TMPRSS15: variants seen among roughly 807,000 people sequenced by gnomAD.
The protein encoded by TMPRSS15 is transmembrane serine protease 15.
A neutral mutation model predicts 125.3 loss-of-function variants in TMPRSS15; 128 were observed. That is an observed-to-expected ratio of 1.02 (90% CI 0.89 to 1.18). TMPRSS15 has a LOEUF of 1.18. Ranked by LOEUF, TMPRSS15 falls within the 50% of genes most tolerant of loss-of-function variation. TMPRSS15 has a pLI of 0.00. For missense variants in TMPRSS15, 1,283 were observed against 1,212.7 expected (o/e 1.06, Z -0.86); for synonymous variants, 446 against 423.2 (o/e 1.05, Z -0.66).
At chr21:18,278,354 C>T (rs1027256181) in intron 23 of TMPRSS15, among the ~76,000 whole-genome samples, 3 of 151,542 alleles carry the variant, frequency 2.0e-5, no homozygotes, top group Non-Finnish European at 2.9e-5. Context: ...GTTGGGGACA[C>T]TTGAATTCCC....
At chr21:18,485,467 A>C (rs895672995) in intron 1 of TMPRSS15, among the ~76,000 whole-genome samples, 1 of 152,002 alleles carries the variant, frequency 6.6e-6, no homozygotes, top group African/African-American at 2.4e-5. Context: ...ATAGCTTTTT[A>C]TCAGGTTAGA....
chr21:18,386,323 T>TATA (rs1461071857), intron 3 of TMPRSS15, among the ~76,000 whole-genome samples: 1 of 152,154 alleles, frequency 6.6e-6, no homozygotes, highest in Non-Finnish European at 1.5e-5. Context: ...TGTGTTTTTA[T>TATA]ATAATTCCCA....
intron 18 of TMPRSS15, among the ~76,000 whole-genome samples, chr21:18,298,310 C>G (rs1431853216): frequency 6.6e-6 from 1 of 152,138 alleles, no homozygotes. Flanking sequence ...TAGACAGAGA[C>G]TATCTTCAGT....
intron 1 of TMPRSS15, among the ~76,000 whole-genome samples, chr21:18,421,547 G>A (rs1436368132): frequency 6.6e-6 from 1 of 152,142 alleles, no homozygotes; most frequent in Non-Finnish European, 1.5e-5. Context: ...GTTCATTAAT[G>A]AAGTTGTAAC....
chr21:18,366,999 T>A (rs957924172), intron 6 of TMPRSS15, among the ~76,000 whole-genome samples: 1 of 152,040 alleles, frequency 6.6e-6, no homozygotes, highest in Non-Finnish European at 1.5e-5. Context: ...TAAAATATCA[T>A]GTGTTTATTG....
At position 18,343,651 on chromosome 21, in the gene TMPRSS15, T is replaced by A. The variant is rs754087760; in HGVS notation, c.1283A>T (p.His428Leu). The A allele has an allele frequency of 1.2e-6, 2 of 1,613,482 alleles. No individual in the cohort carries two copies. The highest frequency in any genetic ancestry group is 4.5e-5 in the East Asian group (2 of 44,824). The change falls in exon 12 of 25, where the codon CAT becomes CTT. Residue 428 changes from histidine to leucine, a missense_variant. Transcript: ENST00000284885. The part of the protein sequence containing the change: ...LEPACLSFWY[H>L]MYGENVHKLS... ...TTTATGGACATTTTCACCATACATA[T>A]GATACCTAGTTTGGAAAGAAGCAAA... is the stretch of plus-strand genomic sequence containing the variant.
chr21:18,275,438 T>TATC, intron 23 of TMPRSS15, 102 bp from the exon 24 acceptor site: 2 of 1,354,914 alleles, frequency 1.5e-6, no homozygotes, highest in Admixed American at 1.7e-5. Flanking sequence ...TCACTCTCAT[T>TATC]ATCAAGTACT....
chr21:18,397,614 T>C (rs1009652874), intron 3 of TMPRSS15, among the ~76,000 whole-genome samples: 2 of 152,156 alleles, frequency 1.3e-5, no homozygotes, highest in African/African-American at 4.8e-5. Context: ...TCAAATACTA[T>C]ATCTGCATCT....
At chr21:18,281,555 C>CTAATG (rs1247114652) in intron 21 of TMPRSS15, among the ~76,000 whole-genome samples, 2 of 152,068 alleles carry the variant, frequency 1.3e-5, no homozygotes, top group African/African-American at 2.4e-5. Flanking sequence ...TCCCCCGATT[C>CTAATG]TAATGTACTG....
At position 18,331,058 on chromosome 21, in the gene TMPRSS15, G is replaced by A. The variant is rs62213459; in HGVS notation, c.1654+1026C>T. Among the ~76,000 whole-genome samples, 545 of 139,030 alleles carry A rather than the reference G, an allele frequency of 3.9e-3. 3 individuals carry two copies. The highest frequency in any genetic ancestry group is 5.5e-3 in the Non-Finnish European group (363 of 65,542). 91.2% of individuals were successfully genotyped at this position (139,030 alleles called of 152,430 possible). ...ACTGCACTCCAGCCTGGGCGACAGAGCGAGACTCCATCTCAAAAAAAAAAA... is the reference window on the plus strand; with the variant it reads ...ACTGCACTCCAGCCTGGGCGACAGAACGAGACTCCATCTCAAAAAAAAAAA... On this transcript the variant is annotated intron_variant, in intron 14 of 24. Transcript: ENST00000284885.
intron 18 of TMPRSS15, among the ~76,000 whole-genome samples, chr21:18,298,661 T>A (rs1194180319): frequency 6.6e-6 from 1 of 152,364 alleles, no homozygotes; most frequent in South Asian, 2.1e-4. Flanking sequence ...TTTCAGATTT[T>A]AATCATCATA....
chr21:18,443,372 G>C (rs2076247310), intron 1 of TMPRSS15, among the ~76,000 whole-genome samples: 1 of 152,078 alleles, frequency 6.6e-6, no homozygotes, highest in African/African-American at 2.4e-5. Flanking sequence ...GTTCAGCATG[G>C]AGCCAGGAGA....
intron 21 of TMPRSS15, among the ~76,000 whole-genome samples, chr21:18,291,216 T>C (rs1209537109): frequency 2.0e-5 from 3 of 152,248 alleles, no homozygotes; most frequent in African/African-American, 7.2e-5. Flanking sequence ...CTAAGTTGCT[T>C]GTCCATAATC....
intron 10 of TMPRSS15, among the ~76,000 whole-genome samples, chr21:18,349,744 C>T (rs1274509225): frequency 1.3e-5 from 2 of 152,142 alleles, no homozygotes; most frequent in African/African-American, 2.4e-5. Flanking sequence ...AAAACTCCTG[C>T]TACTACGCTT....
At chr21:18,346,543 A>G (rs2075510739) in intron 10 of TMPRSS15, among the ~76,000 whole-genome samples, 1 of 152,134 alleles carries the variant, frequency 6.6e-6, no homozygotes, top group African/African-American at 2.4e-5. Context: ...TTCCTTAAAT[A>G]ATTTTATTAA....
intron 1 of TMPRSS15, among the ~76,000 whole-genome samples, chr21:18,479,005 G>C (rs1276108780): frequency 6.6e-6 from 1 of 151,742 alleles, no homozygotes; most frequent in African/African-American, 2.4e-5. Context: ...TTGGATTTTG[G>C]ATATTTGCAT....
intron 4 of TMPRSS15, among the ~76,000 whole-genome samples, chr21:18,379,527 G>A (rs2075873336): frequency 1.3e-5 from 2 of 151,966 alleles, no homozygotes; most frequent in Non-Finnish European, 2.9e-5. Context: ...GTAGCACAGA[G>A]GTTTTTAGAT....
rs150103533 is a variant in TMPRSS15 at position 18,384,037 on chromosome 21, C to T, written c.345-259G>A. Among the ~76,000 whole-genome samples, 54 of 152,260 alleles carry T rather than the reference C, an allele frequency of 3.5e-4. 1 individual carries two copies. In the East Asian group the frequency reaches 9.9e-3, roughly 28 times the overall value. On this transcript the variant is annotated intron_variant, in intron 3 of 24. Transcript: ENST00000284885. ...TGAAATCTGAGTTTTCTGAGTTCCA[C>T]GTTCAAGTACTCATCCCCAGGCCAG...
At chr21:18,297,926 C>T in intron 18 of TMPRSS15, 97 bp from the exon 19 acceptor site, 1 of 893,342 alleles carries the variant, frequency 1.1e-6, no homozygotes, top group Non-Finnish European at 1.8e-6. Flanking sequence ...GACATTAAAA[C>T]AAATTATGGG....
Sources: allele counts gnomAD v4.1 joint callset (sites outside exome capture counted in the v4.1 genomes callset), GRCh38; gene constraint gnomAD v4.1.1; transcripts MANE v1.5; gene names NCBI Gene and HGNC (gene_info 2026-07-23, HGNC 2026-07-21).